The following ANO1 variants were observed in gnomAD, a reference collection of about 807,000 sequenced individuals.
ANO1 encodes anoctamin 1.
In ANO1, 59 loss-of-function variants were observed where a neutral mutation model predicts 124.0. The ratio of observed to expected loss-of-function variants is 0.48; its 90% CI spans 0.39 to 0.59. The LOEUF (loss-of-function observed/expected upper bound fraction) is 0.59, where lower values mean the gene tolerates loss of function less well. Among genes scored for constraint, ANO1 ranks in the 20% least tolerant of loss-of-function variants. The probability of loss-of-function intolerance (pLI) is 0.00; values close to 1 mark genes in which losing one functional copy is unlikely to be tolerated. For missense variants in ANO1, 1,059 were observed against 1,328.0 expected, an observed-to-expected ratio of 0.80 and a Z score of 3.15; for synonymous variants, 529 against 532.0, an observed-to-expected ratio of 0.99 and a Z score of 0.08.
chr11:70,004,570 A>G (rs574002521), intron 1 of ANO1, among the ~76,000 whole-genome samples: 1 of 152,364 alleles, frequency 6.6e-6, no homozygotes, highest in South Asian at 2.1e-4. Flanking sequence ...GGCTATGAGA[A>G]TAAAGCGTGT....
chr11:70,108,315 TA>T, intron 5 of ANO1, 37 bp from the exon 6 acceptor site: 1 of 1,596,308 alleles, frequency 6.3e-7, no homozygotes, highest in Non-Finnish European at 8.6e-7. Context: ...GAAGGTGCCT[TA>T]AGTAACTGCT....
chr11:70,098,795 G>A (rs937290875), intron 2 of ANO1, among the ~76,000 whole-genome samples: 9 of 152,144 alleles, frequency 5.9e-5, no homozygotes, highest in East Asian at 1.9e-4. Context: ...CTAGGCCCTC[G>A]GGCCACGGGG....
chr11:70,052,594 C>T lies in ANO1; in HGVS notation c.59-25948C>T, dbSNP rs192802223. On this transcript the variant is annotated intron_variant, in intron 1 of 27. Transcript: ENST00000531349. ...TGAGACAGGGTTTTTTTCTTTTCGCCCAGGCTGGAGTGCAATGGCGCGATC... is the reference window on the plus strand; with the variant it reads ...TGAGACAGGGTTTTTTTCTTTTCGCTCAGGCTGGAGTGCAATGGCGCGATC... 5.5e-3 allele frequency among the ~76,000 whole-genome samples: 653 copies of T among 119,792 alleles called. 3 individuals are homozygous for T. Among genetic ancestry groups the T allele is most frequent in the African/African-American group, 0.02 (615 of 30,466 alleles). The allele number at this position is 119,792 out of a possible 152,430, so 78.6% of individuals were successfully genotyped here.
chr11:70,071,028 T>C (rs1555009246), intron 1 of ANO1, among the ~76,000 whole-genome samples: 1 of 152,160 alleles, frequency 6.6e-6, no homozygotes, highest in African/African-American at 2.4e-5. Context: ...TACTACATGG[T>C]AGGATCCCTG....
chr11:70,021,574 C>G (rs946688131), intron 1 of ANO1, among the ~76,000 whole-genome samples: 2 of 152,010 alleles, frequency 1.3e-5, no homozygotes, highest in Non-Finnish European at 2.9e-5. Context: ...TCCCATTGTC[C>G]CCCGGAACCT....
At chr11:70,161,406 C>A in intron 17 of ANO1, 44 bp downstream of exon 17, 1 of 1,587,556 alleles carries the variant, frequency 6.3e-7, no homozygotes, top group Non-Finnish European at 8.6e-7. Flanking sequence ...ACTCAGGCAG[C>A]TGGAGTCGCC....
chr11:70,137,430 C>T (rs545483642), intron 11 of ANO1, among the ~76,000 whole-genome samples: 1 of 136,066 alleles, frequency 7.3e-6, no homozygotes, highest in Admixed American at 8.3e-5. Flanking sequence ...CCCCCACCCG[C>T]CATCACCGCT....
intron 1 of ANO1, among the ~76,000 whole-genome samples, chr11:70,049,647 A>G (rs1857319076): frequency 6.6e-6 from 1 of 152,172 alleles, no homozygotes; most frequent in South Asian, 2.1e-4. Flanking sequence ...TAAGTAAGCA[A>G]TATGTCTACC....
At chr11:70,107,095 G>T (rs2045578015) in intron 5 of ANO1, among the ~76,000 whole-genome samples, 1 of 152,168 alleles carries the variant, frequency 6.6e-6, no homozygotes, top group Non-Finnish European at 1.5e-5. Context: ...GAAGGGAGGA[G>T]GTGGTTACAG....
intron 24 of ANO1, among the ~76,000 whole-genome samples, chr11:70,184,159 A>G (rs1463183398): frequency 6.6e-6 from 1 of 152,218 alleles, no homozygotes; most frequent in Non-Finnish European, 1.5e-5. Flanking sequence ...TTTTCTGTCC[A>G]GCTTTGGGAA....
In ANO1 at chr11:70,167,325, G is replaced by A. The variant is rs764791417; in HGVS notation, c.2135G>A (p.Arg712Gln). The A allele has an allele frequency of 4.1e-5, 66 of 1,613,754 alleles. No individual in the cohort carries two copies. Among genetic ancestry groups the A allele is most frequent in the Non-Finnish European group, 4.7e-5 (56 of 1,179,838 alleles). The change falls in exon 21 of 26, where the codon CGG (arginine) becomes CAG (glutamine). Residue 712 changes from arginine (R) to glutamine (Q), a missense_variant. Transcript: ENST00000355303. ...DHEECVKRKQRYEVDYNLEPF... is the reference protein window; with the variant it reads ...DHEECVKRKQQYEVDYNLEPF... ...GAGGAGTGTGTGAAGAGGAAACAGC[G>A]GTACGAGGTGGATTACAACCTGGAG...
chr11:70,185,494 T>G, intron 24 of ANO1, 96 bp from the exon 25 acceptor site: 2 of 1,151,394 alleles, frequency 1.7e-6, no homozygotes, highest in Non-Finnish European at 2.5e-6. Context: ...CACACCAAGC[T>G]GAGCCTCTCC....
At chr11:70,086,369 G>A (rs2044383734) in intron 1 of ANO1, among the ~76,000 whole-genome samples, 1 of 152,200 alleles carries the variant, frequency 6.6e-6, no homozygotes, top group Non-Finnish European at 1.5e-5. Flanking sequence ...GCCACTGTGG[G>A]AATATCTGGT....
At chr11:70,141,886 G>T (rs946065130) in intron 11 of ANO1, among the ~76,000 whole-genome samples, 3 of 152,124 alleles carry the variant, frequency 2.0e-5, no homozygotes, top group Admixed American at 6.5e-5. Context: ...ACCTGTTACT[G>T]CCTGGCAGCC....
At chr11:70,036,651 A>C (rs1187253667) in intron 1 of ANO1, among the ~76,000 whole-genome samples, 1 of 152,170 alleles carries the variant, frequency 6.6e-6, no homozygotes, top group Non-Finnish European at 1.5e-5. Context: ...TTTGTCGCCC[A>C]GGCTGGAGTG....
chr11:70,082,640 G>A (rs987500663), intron 1 of ANO1, among the ~76,000 whole-genome samples: 1 of 152,218 alleles, frequency 6.6e-6, no homozygotes, highest in Non-Finnish European at 1.5e-5. Context: ...TAAGAATACA[G>A]AAACAGAAAT....
intron 22 of ANO1, 41 bp downstream of exon 22, chr11:70,171,080 G>T: frequency 6.3e-7 from 1 of 1,594,868 alleles, no homozygotes; most frequent in Non-Finnish European, 8.5e-7. Flanking sequence ...TTCCGAGTGC[G>T]TGCTGGGTTT....
intron 1 of ANO1, among the ~76,000 whole-genome samples, chr11:70,068,448 CA>C (rs1386619003): frequency 2.0e-5 from 3 of 152,020 alleles, no homozygotes; most frequent in Non-Finnish European, 4.4e-5. Flanking sequence ...ACAGAGAAAA[CA>C]AAAAACAAAG....
chr11:70,152,569 C>T, intron 13 of ANO1, 108 bp downstream of exon 13: 6 of 1,312,266 alleles, frequency 4.6e-6, no homozygotes, highest in African/African-American at 1.5e-5. Context: ...CGCAGTTCCT[C>T]CACGCGGGTG....
Sources: gnomAD v4.1 joint callset for allele counts (sites outside exome capture counted in the v4.1 genomes callset) on GRCh38, gnomAD v4.1.1 for gene constraint, MANE v1.5 for transcripts, NCBI Gene and HGNC (gene_info 2026-07-23, HGNC 2026-07-21) for gene names.